The following ARNT2 variants were observed in gnomAD, a reference collection of about 807,000 sequenced individuals.
ARNT2 encodes aryl hydrocarbon receptor nuclear translocator 2, also known as ARNT protein 2.
Under a neutral mutation model 91.7 loss-of-function variants are expected in ARNT2, and 36 were observed. The observed-to-expected ratio is 0.39, with a 90% CI of 0.30 to 0.52. The LOEUF is 0.52. Among genes scored for constraint, ARNT2 ranks in the 20% least tolerant of loss-of-function variants. ARNT2 has a pLI of 0.72. For missense variants in ARNT2, 775 were observed against 939.3 expected, an observed-to-expected ratio of 0.83 and a Z score of 2.29; for synonymous variants, 365 against 347.1, an observed-to-expected ratio of 1.05 and a Z score of -0.57.
At position 80,591,441 on chromosome 15, in the gene ARNT2, A is replaced by T; in HGVS notation, c.1919-127A>T. On this transcript the variant is annotated intron_variant, in intron 17 of 18. Transcript: ENST00000303329. This position sits in a 1 kb window ranked among gnomAD's most constrained non-coding sequence, Gnocchi z 5.1. ...TGAGAAAGACGAGGATAGCAAACACATTCCGCCAGCTCTGGATGGAACGTG... is the reference window on the plus strand; with the variant it reads ...TGAGAAAGACGAGGATAGCAAACACTTTCCGCCAGCTCTGGATGGAACGTG... 8 of 1,227,568 alleles carry T rather than the reference A, an allele frequency of 6.5e-6. 1 individual carries two copies. The South Asian group carries it at 1.1e-4, about 17-fold the overall frequency. The allele number at this position is 1,227,568 out of a possible 1,614,324, so 76.0% of individuals were successfully genotyped here.
At chr15:80,415,075 A>T (rs929843210) in intron 1 of ARNT2, among the ~76,000 whole-genome samples, 2 of 152,180 alleles carry the variant, frequency 1.3e-5, no homozygotes, top group Non-Finnish European at 2.9e-5. Flanking sequence ...GATGCTGAAG[A>T]CTGTTCCGGT....
At chr15:80,580,735 C>G (rs924024239) in intron 16 of ARNT2, among the ~76,000 whole-genome samples, 186 bp downstream of exon 16, 3 of 152,202 alleles carry the variant, frequency 2.0e-5, no homozygotes, top group Non-Finnish European at 4.4e-5. Context: ...AGGTGCCCAG[C>G]CTGCAACTTC....
chr15:80,580,345 G>T (rs1012423503), intron 15 of ARNT2, 66 bp from the exon 16 acceptor site: 3 of 1,589,674 alleles, frequency 1.9e-6, no homozygotes, highest in Middle Eastern at 2.0e-4. Flanking sequence ...TGTGTGGTTG[G>T]CTGGGCACGT....
chr15:80,559,934 C>T (rs926203577), intron 11 of ARNT2: 1 of 152,422 alleles, frequency 6.6e-6, no homozygotes, highest in Non-Finnish European at 1.5e-5. Context: ...GTCACCTGCA[C>T]CATGCATAGC....
Position 80,591,479 on chromosome 15 carries a change from G to A in ARNT2, c.1919-89G>A, listed in dbSNP as rs562554292. On this transcript the variant is annotated intron_variant, in intron 17 of 18. Coordinates refer to ENST00000303329, the MANE Select transcript of ARNT2 (RefSeq NM_014862.4). This position sits in a 1 kb window ranked among gnomAD's most constrained non-coding sequence, Gnocchi z 5.1. ...TGGATGGAACGTGCCTTTCAGAAGC[G>A]GGAGGCCCTCCAGCCGCAGTGGTTC... 1.7e-5 allele frequency: 26 copies of A among 1,546,140 alleles called. No homozygotes were observed. In the East Asian group the frequency reaches 1.8e-4, roughly 11 times the overall value.
chr15:80,561,329 T>C (rs4778811), intron 11 of ARNT2, among the ~76,000 whole-genome samples: 125,245 of 152,062 alleles, frequency 0.82, 51,724 homozygotes, highest in East Asian at 0.99. Flanking sequence ...GGTCTGCACA[T>C]GCCTGTGGAG....
chr15:80,553,732 GC>G (rs1898125695), intron 10 of ARNT2, among the ~76,000 whole-genome samples: 1 of 151,208 alleles, frequency 6.6e-6, no homozygotes. Flanking sequence ...AAAATAAAAA[GC>G]TTTTTTATAA....
Position 80,578,427 on chromosome 15 carries a change from C to T in ARNT2, c.1613+1462C>T, listed in dbSNP as rs144768522. 1.1e-4 allele frequency among the ~76,000 whole-genome samples: 16 copies of T among 152,000 alleles called. No homozygotes were observed. In the East Asian group the frequency reaches 2.0e-3, roughly 19 times the overall value. Reference sequence around the variant, plus strand: ...GGATGACCACGTTGTTCTATGACAACGGCCTCACACAGGCTCTGCACCTCA... The same window carrying T: ...GGATGACCACGTTGTTCTATGACAATGGCCTCACACAGGCTCTGCACCTCA... On this transcript the variant is annotated intron_variant, in intron 15 of 18. Coordinates refer to ENST00000303329, the MANE Select transcript of ARNT2 (RefSeq NM_014862.4).
In ARNT2 at chr15:80,508,348, C is replaced by A. The variant is rs1897301595; in HGVS notation, c.725+90C>A. The A allele has an allele frequency of 1.3e-5, 17 of 1,287,196 alleles. No individual in the cohort carries two copies. In the Admixed American group the frequency reaches 3.0e-4, roughly 23 times the overall value. 79.7% of individuals were successfully genotyped at this position (1,287,196 alleles called of 1,614,324 possible). ...GAGCCTTGACCAGCTCTGCCGCAGT[C>A]ACACATGCCAACGTGGGTTCACTCC... On this transcript the variant is annotated intron_variant, in intron 6 of 18. Coordinates refer to ENST00000303329, the MANE Select transcript of ARNT2 (RefSeq NM_014862.4).
chr15:80,450,168 T>C (rs1310861981), intron 1 of ARNT2, among the ~76,000 whole-genome samples: 1 of 152,256 alleles, frequency 6.6e-6, no homozygotes, highest in Non-Finnish European at 1.5e-5. Context: ...AAATAATGTC[T>C]TGGCCACAAT....
At chr15:80,514,695 G>A (rs555917368) in intron 8 of ARNT2, among the ~76,000 whole-genome samples, 2 of 152,272 alleles carry the variant, frequency 1.3e-5, no homozygotes, top group South Asian at 4.1e-4. Flanking sequence ...GACCACCCTG[G>A]CTAACACAGT....
intron 5 of ARNT2, 49 bp from the exon 6 acceptor site, chr15:80,508,107 T>C: frequency 6.3e-7 from 1 of 1,589,186 alleles, no homozygotes; most frequent in Non-Finnish European, 8.6e-7. Flanking sequence ...CTCCTCCATC[T>C]CCCAACCGAA....
chr15:80,542,236 C>T (rs1897919278), intron 8 of ARNT2, among the ~76,000 whole-genome samples: 1 of 152,236 alleles, frequency 6.6e-6, no homozygotes, highest in Non-Finnish European at 1.5e-5. Context: ...CACTTCACTT[C>T]TGTAAAGCCA....
At chr15:80,461,624 G>A (rs1018643279) in intron 3 of ARNT2, among the ~76,000 whole-genome samples, 8 of 152,260 alleles carry the variant, frequency 5.3e-5, no homozygotes, top group Middle Eastern at 3.4e-3. Flanking sequence ...ACAGATGGGT[G>A]GGTGTGCATC....
intron 6 of ARNT2, among the ~76,000 whole-genome samples, chr15:80,510,203 A>G (rs535790020): frequency 1.3e-3 from 205 of 152,270 alleles, no homozygotes; most frequent in Non-Finnish European, 2.4e-3. Context: ...AGGTTCCGCT[A>G]AAGTCTTTGC....
intron 12 of ARNT2, among the ~76,000 whole-genome samples, chr15:80,567,016 C>T (rs1051321504): frequency 6.6e-6 from 1 of 152,186 alleles, no homozygotes; most frequent in Non-Finnish European, 1.5e-5. Flanking sequence ...CTTCTTTACT[C>T]AGGAAGCAGA....
At chr15:80,444,025 C>A (rs1896240568) in intron 1 of ARNT2, among the ~76,000 whole-genome samples, 1 of 152,218 alleles carries the variant, frequency 6.6e-6, no homozygotes, top group African/African-American at 2.4e-5. Flanking sequence ...TGTTTCTATG[C>A]TGCACCAGAT....
intron 1 of ARNT2, among the ~76,000 whole-genome samples, chr15:80,408,209 A>G (rs1404284524): frequency 6.6e-6 from 1 of 152,222 alleles, no homozygotes; most frequent in Non-Finnish European, 1.5e-5. Flanking sequence ...AACTGATTGG[A>G]TATCTTTGAT....
At chr15:80,446,732 G>A (rs906807461) in intron 1 of ARNT2, among the ~76,000 whole-genome samples, 1 of 151,242 alleles carries the variant, frequency 6.6e-6, no homozygotes, top group Non-Finnish European at 1.5e-5. Flanking sequence ...GAAGATGGCA[G>A]AGTGCTGGAA....
Sources: allele counts gnomAD v4.1 joint callset (sites outside exome capture counted in the v4.1 genomes callset), GRCh38; gene constraint gnomAD v4.1.1; non-coding constraint Gnocchi (gnomAD v3.1); transcripts MANE v1.5; gene names NCBI Gene and HGNC (gene_info 2026-07-23, HGNC 2026-07-21).